The following GSK3B variants were observed in gnomAD, a reference collection of about 807,000 sequenced individuals.
The protein encoded by GSK3B is glycogen synthase kinase 3 beta.
In GSK3B, 15 loss-of-function variants were observed where a neutral mutation model predicts 56.4. The ratio of observed to expected loss-of-function variants is 0.27; its 90% CI spans 0.18 to 0.41. The LOEUF (loss-of-function observed/expected upper bound fraction) is 0.41, where lower values mean the gene tolerates loss of function less well. Among genes scored for constraint, GSK3B ranks in the 10% least tolerant of loss-of-function variants. The pLI is 1.00. For synonymous variants in GSK3B, 181 were observed against 188.9 expected (o/e 0.96, Z 0.34); for missense variants, 300 against 513.4 (o/e 0.58, Z 4.02).
chr3:120,081,324 GGATC>G (rs1559905509), intron 1 of GSK3B, among the ~76,000 whole-genome samples: 3 of 151,676 alleles, frequency 2.0e-5, no homozygotes, highest in African/African-American at 7.3e-5. Context: ...GGAGGCGGGC[GGATC>G]ACAAGATCAG....
chr3:120,072,197 C>T (rs552497293), intron 1 of GSK3B, among the ~76,000 whole-genome samples: 3 of 152,240 alleles, frequency 2.0e-5, no homozygotes, highest in South Asian at 4.2e-4. Context: ...AAGAAAAGTT[C>T]GATTCAGAGG....
At position 119,979,289 on chromosome 3, in the gene GSK3B, T is replaced by C. The variant is rs189418114; in HGVS notation, c.282+22757A>G. ...CCCAACCCTACCTGTGTCAAGCTTG[T>C]ACCTCTTATAAAATCTTTCTTCTTA... On this transcript the variant is annotated intron_variant, in intron 2 of 10. Transcript: ENST00000264235. Among the ~76,000 whole-genome samples the C allele has an allele frequency of 3.9e-5, 6 of 152,280 alleles. No individual in the cohort carries two copies. In the East Asian group the frequency reaches 7.7e-4, roughly 20 times the overall value.
At chr3:119,971,038 GAAT>G (rs2057362102) in intron 2 of GSK3B, among the ~76,000 whole-genome samples, 1 of 152,010 alleles carries the variant, frequency 6.6e-6, no homozygotes, top group Admixed American at 6.5e-5. Context: ...ATTCTTTTCA[GAAT>G]AATATCATTA....
chr3:119,868,921 G>A (rs1231664812), intron 8 of GSK3B, among the ~76,000 whole-genome samples: 2 of 152,228 alleles, frequency 1.3e-5, no homozygotes, highest in Non-Finnish European at 2.9e-5. Context: ...GTGAGACAAT[G>A]CCATGGATTG....
chr3:120,013,552 A>G (rs1043528583), intron 1 of GSK3B, among the ~76,000 whole-genome samples: 1 of 152,202 alleles, frequency 6.6e-6, no homozygotes, highest in Non-Finnish European at 1.5e-5. Flanking sequence ...CTTCACCTCA[A>G]GAATGAAGTC....
chr3:120,045,740 A>G (rs531784746), intron 1 of GSK3B, among the ~76,000 whole-genome samples: 16 of 152,318 alleles, frequency 1.1e-4, no homozygotes, highest in South Asian at 6.2e-4. Flanking sequence ...TGCAGCACCA[A>G]GCATTTACTT....
intron 1 of GSK3B, among the ~76,000 whole-genome samples, chr3:120,045,559 C>T (rs1209964552): frequency 6.6e-6 from 1 of 152,182 alleles, no homozygotes; most frequent in African/African-American, 2.4e-5. Flanking sequence ...TGCGGTTCAA[C>T]CCCAGCCCAC....
At chr3:120,026,708 C>A (rs1249415264) in intron 1 of GSK3B, among the ~76,000 whole-genome samples, 15 of 151,558 alleles carry the variant, frequency 9.9e-5, no homozygotes, top group Admixed American at 8.5e-4. Flanking sequence ...CAGGCGCGCA[C>A]CACCACATCT....
chr3:119,885,828 G>C (rs1237156276), intron 7 of GSK3B, among the ~76,000 whole-genome samples: 2 of 152,046 alleles, frequency 1.3e-5, no homozygotes, highest in Non-Finnish European at 2.9e-5. Flanking sequence ...AATGGTGCTG[G>C]GATAACTGGC....
At chr3:120,058,491 G>C (rs1459110834) in intron 1 of GSK3B, among the ~76,000 whole-genome samples, 11 of 151,938 alleles carry the variant, frequency 7.2e-5, no homozygotes, top group Admixed American at 7.2e-4. Context: ...AGAGTCTCCT[G>C]AGAGTAAATA....
Position 119,922,173 on chromosome 3 carries a change from T to TTAGG in GSK3B, c.477+1196_477+1199dup, listed in dbSNP as rs138607853. ...GGAGGTAGGTAGGTAAGGAGGTAGG[T>TTAGG]TAGGTAGGTAGGTAGGTAGGTAGGT... On this transcript the variant is annotated intron_variant, in intron 4 of 10. Coordinates refer to ENST00000264235, the MANE Select transcript of GSK3B (RefSeq NM_001146156.2). 4.1e-3 allele frequency among the ~76,000 whole-genome samples: 459 copies of TTAGG among 112,316 alleles called. 4 individuals are homozygous for TTAGG. Among genetic ancestry groups the TTAGG allele is most frequent in the Non-Finnish European group, 4.5e-3 (263 of 58,306 alleles). 73.7% of individuals were successfully genotyped at this position (112,316 alleles called of 152,430 possible). A position where few individuals can be genotyped will look rare whatever the true frequency, so the allele number is the denominator to read the frequency against.
At chr3:120,007,897 A>G (rs1428141772) in intron 1 of GSK3B, among the ~76,000 whole-genome samples, 1 of 152,200 alleles carries the variant, frequency 6.6e-6, no homozygotes. Context: ...TAGTCAACAT[A>G]GTATTGGAAG....
intron 2 of GSK3B, among the ~76,000 whole-genome samples, chr3:119,996,854 T>G (rs1045101894): frequency 6.6e-6 from 1 of 151,878 alleles, no homozygotes; most frequent in Non-Finnish European, 1.5e-5. Flanking sequence ...CAAGTCTGAC[T>G]GAGAAAAACA....
At chr3:119,861,896 T>G (rs2056108435) in intron 9 of GSK3B, among the ~76,000 whole-genome samples, 1 of 152,148 alleles carries the variant, frequency 6.6e-6, no homozygotes, top group Non-Finnish European at 1.5e-5. Context: ...CAGGGTCCAC[T>G]TTTTCACTGA....
At chr3:119,950,341 A>G (rs1387166337) in intron 2 of GSK3B, among the ~76,000 whole-genome samples, 2 of 152,242 alleles carry the variant, frequency 1.3e-5, no homozygotes, top group South Asian at 2.1e-4. Flanking sequence ...AGGTTAAGAT[A>G]TGAACATCAA....
At chr3:120,052,178 G>A (rs2058156030) in intron 1 of GSK3B, among the ~76,000 whole-genome samples, 1 of 152,158 alleles carries the variant, frequency 6.6e-6, no homozygotes, top group South Asian at 2.1e-4. Flanking sequence ...TAAAAAAGGT[G>A]CAAATTTTCA....
rs137972044 is a variant in GSK3B at position 120,002,229 on chromosome 3, G to A, written c.99C>T (p.Asp33=). 1.3e-4 allele frequency: 194 copies of A among 1,548,102 alleles called. 1 individual carries two copies. Among genetic ancestry groups the A allele is most frequent in the East Asian group, 6.5e-4 (27 of 41,748 alleles). Residue 33 remains aspartate, a synonymous_variant, in exon 2 of 11, where the codon GAC becomes GAT. Transcript: ENST00000264235. The part of the protein sequence containing the change: ...FGSMKVSRDK[D]GSKVTTVVAT... ...CCACCACTGTTGTCACCTTGCTGCC[G>A]TCCTTGTCTCCTAAAGGAAGAAAGG... is the stretch of plus-strand genomic sequence containing the variant.
rs1021926730 is a variant in GSK3B at position 119,995,474 on chromosome 3, T to A, written c.282+6572A>T. Among the ~76,000 whole-genome samples the A allele has an allele frequency of 4.2e-4, 64 of 152,154 alleles. 1 individual carries two copies. The highest frequency in any genetic ancestry group is 7.7e-4 in the East Asian group (4 of 5,182). On this transcript the variant is annotated intron_variant, in intron 2 of 10. Coordinates refer to ENST00000264235, the MANE Select transcript of GSK3B (RefSeq NM_001146156.2). ...TGTTAAGCCTGAAACAATAATTATT[T>A]TTTTTTTTTGAGACGGAGTCTCACT...
At position 119,822,005 on chromosome 3, in the gene GSK3B, A is replaced by C. The variant is rs1236563081; in HGVS notation, c.*4783T>G. On this transcript the variant is annotated 3_prime_UTR_variant, in exon 11 of 11. Coordinates refer to ENST00000264235, the MANE Select transcript of GSK3B (RefSeq NM_001146156.2). ...CTTTTTATTTAATGCAAATTACAGT[A>C]CCAGTTAACTATTTCCAAACCAAGT... is the stretch of plus-strand genomic sequence containing the variant. 5.8e-5 allele frequency: 11 copies of C among 190,692 alleles called. No homozygotes were observed. Among genetic ancestry groups the C allele is most frequent in the Non-Finnish European group, 7.7e-5 (7 of 91,014 alleles). The allele number at this position is 190,692 out of a possible 1,614,324, so 11.8% of individuals were successfully genotyped here.
Sources: gnomAD v4.1 joint callset for allele counts (sites outside exome capture counted in the v4.1 genomes callset) on GRCh38, gnomAD v4.1.1 for gene constraint, MANE v1.5 for transcripts, NCBI Gene and HGNC (gene_info 2026-07-23, HGNC 2026-07-21) for gene names.